ZNF212: variants seen among roughly 807,000 people sequenced by gnomAD.
The protein encoded by ZNF212 is Zinc finger protein C2H2-150.
ZNF212 carries 32 observed loss-of-function variants against 47.3 expected under a neutral mutation model. The observed-to-expected ratio is 0.68, with a 90% CI of 0.51 to 0.91. The LOEUF is 0.91. ZNF212 is among the 40% of genes least tolerant of loss of function. The probability of loss-of-function intolerance (pLI) is 0.00; values close to 1 mark genes in which losing one functional copy is unlikely to be tolerated. For missense variants in ZNF212, 555 were observed against 622.8 expected, an observed-to-expected ratio of 0.89 and a Z score of 1.16; for synonymous variants, 242 against 253.8, an observed-to-expected ratio of 0.95 and a Z score of 0.44.
intron 1 of ZNF212, among the ~76,000 whole-genome samples, chr7:149,248,477 C>T (rs1462093837): frequency 2.6e-5 from 4 of 152,148 alleles, no homozygotes; most frequent in Admixed American, 6.5e-5. Flanking sequence ...TTGACTGGTT[C>T]GTGAACATTT....
At chr7:149,253,514 G>GTAC (rs925312396) in intron 4 of ZNF212, 45 bp from the exon 5 acceptor site, 2 of 1,560,272 alleles carry the variant, frequency 1.3e-6, no homozygotes, top group Non-Finnish European at 1.7e-6. Context: ...GAAACCAAAG[G>GTAC]TACTAGAATG....
rs537028163 is a variant in ZNF212, at chr7:149,254,756, G to A, written c.*341G>A. 6.1e-5 allele frequency: 18 copies of A among 293,050 alleles called. No individual in the cohort carries two copies. In the South Asian group the frequency reaches 1.2e-3, roughly 19 times the overall value. The allele number at this position is 293,050 out of a possible 1,614,324, so 18.2% of individuals were successfully genotyped here. A position where few individuals can be genotyped will look rare whatever the true frequency, so the allele number is the denominator to read the frequency against. ...GTCCCGGCATTTCATGTCTTCCCAC[G>A]GGGTTGAGTCGGGCCATAGGGGTGA... On this transcript the variant is annotated 3_prime_UTR_variant, in exon 5 of 5. Coordinates refer to ENST00000335870, the MANE Select transcript of ZNF212 (RefSeq NM_012256.4). This position sits in a 1 kb window ranked among gnomAD's most constrained non-coding sequence, Gnocchi z 4.5.
At chr7:149,251,902 C>T (rs751339990) in intron 3 of ZNF212, among the ~76,000 whole-genome samples, 1 of 136,726 alleles carries the variant, frequency 7.3e-6, no homozygotes, top group East Asian at 2.1e-4. Context: ...GCTAGGAGTT[C>T]GAAATCAGCC....
intron 1 of ZNF212, among the ~76,000 whole-genome samples, chr7:149,240,846 T>G (rs1406604348): frequency 1.3e-5 from 2 of 152,206 alleles, no homozygotes; most frequent in African/African-American, 4.8e-5. Flanking sequence ...TATATTTGAT[T>G]CTTGTAGAAA....
rs116187097 is a variant in ZNF212 at position 149,241,873 on chromosome 7, G to A, written c.24+2071G>A. On this transcript the variant is annotated intron_variant, in intron 1 of 4. Coordinates refer to ENST00000335870, the MANE Select transcript of ZNF212 (RefSeq NM_012256.4). ...CAGAGAGTTCAAAGGGTAACATTCTGTGTAAGGGTGAACTGAAAGTAAGGT... is the reference window on the plus strand; with the variant it reads ...CAGAGAGTTCAAAGGGTAACATTCTATGTAAGGGTGAACTGAAAGTAAGGT... Among the ~76,000 whole-genome samples, 913 of 152,284 alleles carry A rather than the reference G, an allele frequency of 6.0e-3. 8 individuals are homozygous for A. The highest frequency in any genetic ancestry group is 0.021 in the African/African-American group (863 of 41,562).
intron 1 of ZNF212, among the ~76,000 whole-genome samples, chr7:149,246,249 C>T (rs868852119): frequency 2.0e-5 from 3 of 152,312 alleles, no homozygotes; most frequent in African/African-American, 4.8e-5. Context: ...TATTGAGATA[C>T]CATTTACATA....
At position 149,254,424 on chromosome 7, in the gene ZNF212, C is replaced by T. The variant is rs375484849; in HGVS notation, c.*9C>T. The T allele has an allele frequency of 1.9e-5, 30 of 1,581,050 alleles. No homozygotes were observed. The Admixed American group carries it at 2.1e-4, about 11-fold the overall frequency. On this transcript the variant is annotated 3_prime_UTR_variant, in exon 5 of 5. Coordinates refer to ENST00000335870, the MANE Select transcript of ZNF212 (RefSeq NM_012256.4). This position sits in a 1 kb window ranked among gnomAD's most constrained non-coding sequence, Gnocchi z 4.5. ...CCAATGGCCTGCTTTAAGGGTGCAG[C>T]CCCTCGCCCGTCTGGGGGATGGAGG...
intron 1 of ZNF212, among the ~76,000 whole-genome samples, chr7:149,249,257 G>T (rs1796719018): frequency 6.6e-6 from 1 of 152,016 alleles, no homozygotes; most frequent in South Asian, 2.1e-4. Flanking sequence ...ATTTTTTAAG[G>T]ATTTATTCAC....
chr7:149,243,621 A>C (rs937657127), intron 1 of ZNF212, among the ~76,000 whole-genome samples: 2 of 152,160 alleles, frequency 1.3e-5, no homozygotes, highest in African/African-American at 4.8e-5. Flanking sequence ...GTAATGGTAA[A>C]AGACTCAATT....
In ZNF212 at chr7:149,252,699, C is replaced by G. The variant is rs778122927; in HGVS notation, c.542-7C>G. On this transcript the variant is annotated splice_polypyrimidine_tract_variant and splice_region_variant and intron_variant, in intron 3 of 4. Transcript: ENST00000335870. ...CCTGGGCTCACACTGTGCTGTTTCC[C>G]ACCCAGAGGTCCTTGGCCAGACAGA... is the stretch of plus-strand genomic sequence containing the variant. 6.2e-7 allele frequency: 1 copy of G among 1,613,914 alleles called. No homozygotes were observed. Among genetic ancestry groups the G allele is most frequent in the South Asian group, 1.1e-5 (1 of 91,004 alleles).
At position 149,254,430 on chromosome 7, in the gene ZNF212, G is replaced by A. The variant is rs778049581; in HGVS notation, c.*15G>A. On this transcript the variant is annotated 3_prime_UTR_variant, in exon 5 of 5. Transcript: ENST00000335870. The surrounding 1 kb of genome is among the most constrained non-coding windows in gnomAD (Gnocchi z 4.5). ...GCCTGCTTTAAGGGTGCAGCCCCTCGCCCGTCTGGGGGATGGAGGGGGGTG... is the reference window on the plus strand; with the variant it reads ...GCCTGCTTTAAGGGTGCAGCCCCTCACCCGTCTGGGGGATGGAGGGGGGTG... 118 of 1,574,610 alleles carry A rather than the reference G, an allele frequency of 7.5e-5. No individual in the cohort carries two copies. Among genetic ancestry groups the A allele is most frequent in the Non-Finnish European group, 9.3e-5 (109 of 1,167,666 alleles).
At chr7:149,246,672 G>C (rs1796682532) in intron 1 of ZNF212, among the ~76,000 whole-genome samples, 1 of 151,958 alleles carries the variant, frequency 6.6e-6, no homozygotes, top group Non-Finnish European at 1.5e-5. Context: ...TTATAGGTGT[G>C]AGCCACTGTG....
chr7:149,239,690 C>CGGCGGCGGA lies in ZNF212; in HGVS notation c.-89_-88insGGCGGCGGA. On this transcript the variant is annotated 5_prime_UTR_variant, in exon 1 of 5. Transcript: ENST00000335870. ...ATCAACACGGCGGCGGCGGCGGCGG[C>CGGCGGCGGA]TTCCAACAGGCTCTGGGGCGCCGAG... 1 of 1,294,172 alleles carries CGGCGGCGGA rather than the reference C, an allele frequency of 7.7e-7. No homozygotes were observed. 80.2% of individuals were successfully genotyped at this position (1,294,172 alleles called of 1,614,324 possible).
chr7:149,239,820 C>T lies in ZNF212; in HGVS notation c.24+18C>T. On this transcript the variant is annotated intron_variant, in intron 1 of 4. Transcript: ENST00000335870. ...CTGCTCGGGTAAAGAGGCACCGGCG[C>T]GCTGGCTCGAGGGCGCGTTGGGGAT... The T allele has an allele frequency of 1.6e-6, 2 of 1,272,488 alleles. No homozygotes were observed. Among genetic ancestry groups the T allele is most frequent in the South Asian group, 3.4e-5 (1 of 29,776 alleles). The allele number at this position is 1,272,488 out of a possible 1,614,324, so 78.8% of individuals were successfully genotyped here.
Position 149,239,818 on chromosome 7 carries a change from C to A in ZNF212, c.24+16C>A. On this transcript the variant is annotated intron_variant, in intron 1 of 4. Transcript: ENST00000335870. ...GCCTGCTCGGGTAAAGAGGCACCGG[C>A]GCGCTGGCTCGAGGGCGCGTTGGGG... is the stretch of plus-strand genomic sequence containing the variant. 1 of 1,270,710 alleles carries A rather than the reference C, an allele frequency of 7.9e-7. No homozygotes were observed. The highest frequency in any genetic ancestry group is 1.0e-6 in the Non-Finnish European group (1 of 1,000,256). The allele number at this position is 1,270,710 out of a possible 1,614,324, so 78.7% of individuals were successfully genotyped here. A position where few individuals can be genotyped will look rare whatever the true frequency, so the allele number is the denominator to read the frequency against.
Position 149,253,893 on chromosome 7 carries a change from G to C in ZNF212, c.966G>C (p.Glu322Asp). 6.2e-7 allele frequency: 1 copy of C among 1,614,026 alleles called. No individual in the cohort carries two copies. The highest frequency in any genetic ancestry group is 8.5e-7 in the Non-Finnish European group (1 of 1,180,028). Residue 322 changes from glutamate (E) to aspartate (D), a missense_variant, in exon 5 of 5, where the codon GAG becomes GAC. Physicochemically the swap from Glu to Asp is conservative, Grantham distance 45. Transcript: ENST00000335870. ...GCCCCTACGAATGTTCTGAGTGTGAGATCACCTTCCGCTATAAGCAGCAGC... is the reference window on the plus strand; with the variant it reads ...GCCCCTACGAATGTTCTGAGTGTGACATCACCTTCCGCTATAAGCAGCAGC... ...TSRPYECSEC[E>D]ITFRYKQQLA...
chr7:149,239,708 G>A lies in ZNF212; in HGVS notation c.-71G>A. The A allele has an allele frequency of 1.6e-6, 2 of 1,278,706 alleles. No homozygotes were observed. Among genetic ancestry groups the A allele is most frequent in the Non-Finnish European group, 2.0e-6 (2 of 1,006,250 alleles). The allele number at this position is 1,278,706 out of a possible 1,614,324, so 79.2% of individuals were successfully genotyped here. ...GCGGCGGCTTCCAACAGGCTCTGGG[G>A]CGCCGAGCGGACAGGAACGCAGCAC... On this transcript the variant is annotated 5_prime_UTR_variant, in exon 1 of 5. Transcript: ENST00000335870.
At chr7:149,253,108 C>T (rs532245501) in intron 4 of ZNF212, among the ~76,000 whole-genome samples, 4 of 152,214 alleles carry the variant, frequency 2.6e-5, no homozygotes, top group Admixed American at 6.5e-5. Context: ...GGAGGGAAGG[C>T]AGTGCAGGAA....
intron 1 of ZNF212, among the ~76,000 whole-genome samples, chr7:149,246,257 A>C (rs190613657): frequency 1.1e-4 from 16 of 152,378 alleles, no homozygotes; most frequent in Admixed American, 6.5e-5. Flanking sequence ...TACCATTTAC[A>C]TACAGTAAAA....
Sources: allele counts gnomAD v4.1 joint callset (sites outside exome capture counted in the v4.1 genomes callset), GRCh38; gene constraint gnomAD v4.1.1; non-coding constraint Gnocchi (gnomAD v3.1); transcripts MANE v1.5; gene names NCBI Gene and HGNC (gene_info 2026-07-23, HGNC 2026-07-21).